DGKG: variants seen among roughly 807,000 people sequenced by gnomAD.
DGKG encodes DAG kinase gamma.
Under a neutral mutation model 105.3 loss-of-function variants are expected in DGKG, and 78 were observed. The ratio of observed to expected loss-of-function variants is 0.74; its 90% CI spans 0.62 to 0.89. The LOEUF is 0.89. DGKG is among the 40% of genes least tolerant of loss of function. The pLI is 0.00. For synonymous variants in DGKG, 346 were observed against 367.1 expected, an observed-to-expected ratio of 0.94 and a Z score of 0.66; for missense variants, 958 against 1,020.1, an observed-to-expected ratio of 0.94 and a Z score of 0.83.
At chr3:186,347,774 G>T (rs1726418403) in intron 1 of DGKG, among the ~76,000 whole-genome samples, 1 of 151,980 alleles carries the variant, frequency 6.6e-6, no homozygotes, top group African/African-American at 2.4e-5. Flanking sequence ...GTAGAGACCA[G>T]GTTTCACCAT....
At position 186,203,084 on chromosome 3, in the gene DGKG, GT is replaced by G; in HGVS notation, c.1917+8710del. Among the ~76,000 whole-genome samples the G allele has an allele frequency of 6.6e-6, 1 of 152,254 alleles. No homozygotes were observed. On this transcript the variant is annotated intron_variant, in intron 21 of 24. Coordinates refer to ENST00000265022, the MANE Select transcript of DGKG (RefSeq NM_001346.3). The surrounding 1 kb of genome is among the most constrained non-coding windows in gnomAD (Gnocchi z 4.9). ...GAGGGTCATTTAAGAAAAAGAAAAA[GT>G]TTTATGTGCCAGAAACTGCAAGCAA... is the stretch of plus-strand genomic sequence containing the variant.
chr3:186,214,814 T>TC (rs1413773991), intron 20 of DGKG, among the ~76,000 whole-genome samples: 3 of 152,208 alleles, frequency 2.0e-5, no homozygotes, highest in Admixed American at 6.5e-5. Context: ...AAAATAGCAT[T>TC]CCTGGACATC....
At chr3:186,195,061 C>T (rs954838784) in intron 21 of DGKG, among the ~76,000 whole-genome samples, 5 of 151,876 alleles carry the variant, frequency 3.3e-5, no homozygotes, top group South Asian at 2.1e-4. Flanking sequence ...GCTGAGATCG[C>T]GCCACTGGAC....
Position 186,148,651 on chromosome 3 carries a change from C to T in DGKG, c.*1439G>A, listed in dbSNP as rs1289123639. Reference sequence around the variant, plus strand: ...CTCTCAAGCTGCATTAGCCAAGACACCATGGAAAAGTCTCTGAACTTTTCT... The same window carrying T: ...CTCTCAAGCTGCATTAGCCAAGACATCATGGAAAAGTCTCTGAACTTTTCT... On this transcript the variant is annotated 3_prime_UTR_variant, in exon 25 of 25. Coordinates refer to ENST00000265022, the MANE Select transcript of DGKG (RefSeq NM_001346.3). The T allele has an allele frequency of 9.1e-6, 9 of 985,272 alleles. No homozygotes were observed. The South Asian group carries it at 3.8e-4, about 41-fold the overall frequency. The allele number at this position is 985,272 out of a possible 1,614,324, so 61.0% of individuals were successfully genotyped here.
At chr3:186,357,133 G>A (rs1727005805) in intron 1 of DGKG, among the ~76,000 whole-genome samples, 1 of 152,154 alleles carries the variant, frequency 6.6e-6, no homozygotes, top group African/African-American at 2.4e-5. Context: ...TCCCATCTCT[G>A]AGAGTCTAGA....
chr3:186,357,251 C>T (rs1727011804), intron 1 of DGKG, among the ~76,000 whole-genome samples: 1 of 152,126 alleles, frequency 6.6e-6, no homozygotes, highest in South Asian at 2.1e-4. Context: ...CAAAATTTTG[C>T]ACTCTTGATA....
intron 21 of DGKG, among the ~76,000 whole-genome samples, chr3:186,193,373 TG>T: frequency 6.6e-6 from 1 of 152,294 alleles, no homozygotes; most frequent in South Asian, 2.1e-4. Flanking sequence ...CCTTAAGGGG[TG>T]GGTTGATGGG....
At chr3:186,301,906 C>T (rs894515850) in intron 3 of DGKG, among the ~76,000 whole-genome samples, 6 of 152,150 alleles carry the variant, frequency 3.9e-5, no homozygotes, top group Non-Finnish European at 8.8e-5. Flanking sequence ...TTCTCATATT[C>T]TCTCCTATTA....
chr3:186,265,676 T>C (rs1722020651), intron 13 of DGKG, among the ~76,000 whole-genome samples: 1 of 145,326 alleles, frequency 6.9e-6, no homozygotes, highest in Admixed American at 6.8e-5. Flanking sequence ...TTTTTTTTTT[T>C]TTTTTGAGAC....
intron 24 of DGKG, among the ~76,000 whole-genome samples, chr3:186,154,034 C>T (rs1432051627): frequency 6.6e-6 from 1 of 152,084 alleles, no homozygotes; most frequent in Non-Finnish European, 1.5e-5. Flanking sequence ...GAGGTCGAGG[C>T]GGCAGTGAGC....
intron 14 of DGKG, among the ~76,000 whole-genome samples, chr3:186,262,554 A>G (rs1256738840): frequency 4.6e-5 from 7 of 152,172 alleles, no homozygotes; most frequent in Non-Finnish European, 8.8e-5. Context: ...CTCTTGCCCA[A>G]AAACTTGTAA....
chr3:186,325,309 C>T (rs1332818205), intron 1 of DGKG, among the ~76,000 whole-genome samples: 1 of 152,150 alleles, frequency 6.6e-6, no homozygotes, highest in African/African-American at 2.4e-5. Flanking sequence ...TGCTCACTAC[C>T]TGGGTGATGG....
chr3:186,295,738 T>C (rs912132285), intron 5 of DGKG, among the ~76,000 whole-genome samples: 1 of 150,400 alleles, frequency 6.6e-6, no homozygotes, highest in African/African-American at 2.5e-5. Context: ...AGACCTTTCA[T>C]GGGAAGAGGA....
At chr3:186,223,010 ACTATATAT>A (rs1393912373) in intron 20 of DGKG, among the ~76,000 whole-genome samples, 1 of 10,274 alleles carries the variant, frequency 9.7e-5, no homozygotes, top group East Asian at 0.019. Context: ...GTGTATGTAT[ACTATATAT>A]ATATATATAT....
intron 22 of DGKG, among the ~76,000 whole-genome samples, chr3:186,183,791 G>A (rs1195416059): frequency 6.6e-6 from 1 of 151,528 alleles, no homozygotes; most frequent in Non-Finnish European, 1.5e-5. Context: ...TGCAACCTCC[G>A]CCTTCCAGGT....
At chr3:186,285,450 C>A (rs902216114) in intron 6 of DGKG, among the ~76,000 whole-genome samples, 14 of 152,034 alleles carry the variant, frequency 9.2e-5, no homozygotes, top group South Asian at 4.2e-4. Context: ...TTCGGAAATA[C>A]GCTATTCAGA....
At chr3:186,358,002 C>T (rs1336646481) in intron 1 of DGKG, among the ~76,000 whole-genome samples, 1 of 152,222 alleles carries the variant, frequency 6.6e-6, no homozygotes, top group East Asian at 1.9e-4. Context: ...CATGTGAAAA[C>T]AGACAGCACA....
At chr3:186,298,324 G>T in intron 3 of DGKG, 95 bp from the exon 4 acceptor site, 1 of 1,210,026 alleles carries the variant, frequency 8.3e-7, no homozygotes, top group Non-Finnish European at 1.1e-6. Flanking sequence ...GCAGGTGAAA[G>T]GAATGGAAAG....
intron 21 of DGKG, among the ~76,000 whole-genome samples, chr3:186,205,461 G>A (rs1235791422): frequency 6.6e-6 from 1 of 152,064 alleles, no homozygotes. Flanking sequence ...TGTAATCTCA[G>A]CACTTTGGGA....
Sources: allele counts gnomAD v4.1 joint callset (sites outside exome capture counted in the v4.1 genomes callset), GRCh38; gene constraint gnomAD v4.1.1; non-coding constraint Gnocchi (gnomAD v3.1); transcripts MANE v1.5; gene names NCBI Gene and HGNC (gene_info 2026-07-23, HGNC 2026-07-21).